ARFGEF3: variants seen among roughly 807,000 people sequenced by gnomAD.
ARFGEF3 encodes brefeldin A-inhibited guanine nucleotide-exchange protein 3.
Under a neutral mutation model 221.7 loss-of-function variants are expected in ARFGEF3, and 96 were observed. That is an observed-to-expected ratio of 0.43 (90% CI 0.37 to 0.51). The LOEUF (loss-of-function observed/expected upper bound fraction) is 0.51, where lower values mean the gene tolerates loss of function less well. Among genes scored for constraint, ARFGEF3 ranks in the 20% least tolerant of loss-of-function variants. The pLI is 0.00. For synonymous variants in ARFGEF3, 1,145 were observed against 1,126.8 expected, an observed-to-expected ratio of 1.02 and a Z score of -0.32; for missense variants, 2,410 against 2,789.9, an observed-to-expected ratio of 0.86 and a Z score of 3.07.
intron 20 of ARFGEF3, among the ~76,000 whole-genome samples, chr6:138,295,148 G>A (rs749985388): frequency 6.6e-6 from 1 of 152,036 alleles, no homozygotes; most frequent in African/African-American, 2.4e-5. Flanking sequence ...CAATGAGCAG[G>A]GGCCAGGAAG....
intron 6 of ARFGEF3, among the ~76,000 whole-genome samples, chr6:138,242,694 G>C (rs533181219): frequency 6.6e-6 from 1 of 152,142 alleles, no homozygotes; most frequent in Non-Finnish European, 1.5e-5. Flanking sequence ...AAGTATCCAC[G>C]CCAGAGTGTC....
At position 138,297,052 on chromosome 6, in the gene ARFGEF3, T is replaced by C. The variant is rs769566866; in HGVS notation, c.3648+97T>C. 3.6e-6 allele frequency: 5 copies of C among 1,380,122 alleles called. No individual in the cohort carries two copies. In the South Asian group the frequency reaches 7.0e-5, roughly 19 times the overall value. The allele number at this position is 1,380,122 out of a possible 1,614,324, so 85.5% of individuals were successfully genotyped here. ...GCAGTCATGTATGGGGGCAAAGCACTGTGGCCATTGGGCAGTGGGAACTTG... is the reference window on the plus strand; with the variant it reads ...GCAGTCATGTATGGGGGCAAAGCACCGTGGCCATTGGGCAGTGGGAACTTG... On this transcript the variant is annotated intron_variant, in intron 21 of 33. Transcript: ENST00000251691.
At chr6:138,303,672 G>A (rs188094779) in intron 22 of ARFGEF3, among the ~76,000 whole-genome samples, 277 of 151,808 alleles carry the variant, frequency 1.8e-3, no homozygotes, top group African/African-American at 6.3e-3. Flanking sequence ...GTGTGGTGGC[G>A]CACGCTGTAG....
Position 138,245,585 on chromosome 6 carries a change from C to T in ARFGEF3, c.659C>T (p.Ala220Val). The T allele has an allele frequency of 6.2e-7, 1 of 1,607,582 alleles. No homozygotes were observed. The highest frequency in any genetic ancestry group is 8.5e-7 in the Non-Finnish European group (1 of 1,176,946). Reference protein sequence around the residue: ...LTVLCEKLQAAINDSQQLQLL... With the variant: ...LTVLCEKLQAVINDSQQLQLL... ...GTCCTGTGTGAGAAGCTGCAAGCCG[C>T]CATAAAGTAAGTGCCCTAACCACTG... Residue 220 changes from alanine to valine, a missense_variant, in exon 8 of 34, where the codon GCC becomes GTC. Ala to Val is a moderately conservative substitution (Grantham distance 64, BLOSUM62 0). Coordinates refer to ENST00000251691, the MANE Select transcript of ARFGEF3 (RefSeq NM_020340.5).
Position 138,319,716 on chromosome 6 carries a change from T to C in ARFGEF3, c.4488T>C (p.Gly1496=). 2 of 1,598,604 alleles carry C rather than the reference T, an allele frequency of 1.3e-6. No homozygotes were observed. The highest frequency in any genetic ancestry group is 1.7e-6 in the Non-Finnish European group (2 of 1,174,720). ...DVTKTPGPGF[G]IYAVVHLLLP... is the part of the protein sequence containing the mutation. Reference sequence around the variant, plus strand: ...TTTCTTTTTCAGGACCAGGGTTTGGTATCTATGCAGTGGTTCACCTCCTCC... The same window carrying C: ...TTTCTTTTTCAGGACCAGGGTTTGGCATCTATGCAGTGGTTCACCTCCTCC... The change falls in exon 28 of 34, where the codon GGT becomes GGC. Residue 1496 remains glycine (G), a synonymous_variant. Transcript: ENST00000251691.
rs1317795154 is a variant in ARFGEF3, at chr6:138,253,996, C to T, written c.770+12C>T. 2.0e-6 allele frequency: 3 copies of T among 1,536,346 alleles called. No individual in the cohort carries two copies. The African/African-American group carries it at 4.2e-5, about 21-fold the overall frequency. On this transcript the variant is annotated intron_variant, in intron 9 of 33. Coordinates refer to ENST00000251691, the MANE Select transcript of ARFGEF3 (RefSeq NM_020340.5). ...ACGGACCTGATCTGGTGAGCACCCA[C>T]TCCTGACGCCCCGACGCTGATGCCA...
At chr6:138,253,243 A>G (rs2114573435) in intron 8 of ARFGEF3, among the ~76,000 whole-genome samples, 1 of 152,280 alleles carries the variant, frequency 6.6e-6, no homozygotes, top group East Asian at 1.9e-4. Flanking sequence ...CAATAGGTTC[A>G]ATATGATAAA....
intron 2 of ARFGEF3, among the ~76,000 whole-genome samples, chr6:138,186,100 T>C (rs567542919): frequency 6.6e-6 from 1 of 152,372 alleles, no homozygotes; most frequent in African/African-American, 2.4e-5. Context: ...ATTTGTTGAA[T>C]ATCTGTCGTT....
intron 3 of ARFGEF3, among the ~76,000 whole-genome samples, chr6:138,208,296 G>A (rs1274006441): frequency 6.6e-6 from 1 of 151,804 alleles, no homozygotes; most frequent in African/African-American, 2.4e-5. Flanking sequence ...TTTTTAGAGC[G>A]TCTCAGTTTT....
Position 138,307,247 on chromosome 6 carries a change from T to C in ARFGEF3, c.3829-6T>C. On this transcript the variant is annotated splice_polypyrimidine_tract_variant and splice_region_variant and intron_variant, in intron 22 of 33. Coordinates refer to ENST00000251691, the MANE Select transcript of ARFGEF3 (RefSeq NM_020340.5). ...CTTTAAGTGCCACTTGCTTTGCCTCTACCAGGTTGTCACATCCATTGGTGA... is the reference window on the plus strand; with the variant it reads ...CTTTAAGTGCCACTTGCTTTGCCTCCACCAGGTTGTCACATCCATTGGTGA... 1 of 1,613,200 alleles carries C rather than the reference T, an allele frequency of 6.2e-7. No homozygotes were observed. The highest frequency in any genetic ancestry group is 8.5e-7 in the Non-Finnish European group (1 of 1,179,350).
chr6:138,279,942 G>T, intron 13 of ARFGEF3, 57 bp from the exon 14 acceptor site: 3 of 1,563,032 alleles, frequency 1.9e-6, no homozygotes, highest in Non-Finnish European at 2.6e-6. Flanking sequence ...AGGCACTTAG[G>T]AGCCTGTTAG....
Position 138,163,051 on chromosome 6 carries a change from C to T in ARFGEF3, c.85+880C>T, listed in dbSNP as rs554268214. 2.0e-5 allele frequency among the ~76,000 whole-genome samples: 3 copies of T among 152,318 alleles called. No homozygotes were observed. In the South Asian group the frequency reaches 6.2e-4, roughly 32 times the overall value. On this transcript the variant is annotated intron_variant, in intron 1 of 33. Coordinates refer to ENST00000251691, the MANE Select transcript of ARFGEF3 (RefSeq NM_020340.5). The stretch of plus-strand genomic sequence containing the variant: ...CCACTCAATTGAAAAATGAAATTGA[C>T]TCCCTTTCCCTTGCAACCAAGAACC...
chr6:138,287,239 C>A, intron 17 of ARFGEF3, 55 bp downstream of exon 17: 1 of 1,274,742 alleles, frequency 7.8e-7, no homozygotes, highest in Non-Finnish European at 1.1e-6. Flanking sequence ...TATGCACACA[C>A]CTGCACAGGC....
Position 138,336,796 on chromosome 6 carries a change from A to C in ARFGEF3, c.*310A>C. ...CTTTTGCTTACAGTGTTGTCCCCAA[A>C]TGGGTCATTTTCAAGGATTACTCAT... On this transcript the variant is annotated 3_prime_UTR_variant, in exon 34 of 34. Coordinates refer to ENST00000251691, the MANE Select transcript of ARFGEF3 (RefSeq NM_020340.5). The C allele has an allele frequency of 5.2e-6, 1 of 192,294 alleles. No homozygotes were observed. The highest frequency in any genetic ancestry group is 1.1e-5 in the Non-Finnish European group (1 of 94,882). 11.9% of individuals were successfully genotyped at this position (192,294 alleles called of 1,614,324 possible).
chr6:138,274,267 C>G (rs1779055494), intron 12 of ARFGEF3, among the ~76,000 whole-genome samples: 1 of 152,080 alleles, frequency 6.6e-6, no homozygotes, highest in Non-Finnish European at 1.5e-5. Flanking sequence ...TCAATTGTAC[C>G]TTTCATCTAT....
intron 8 of ARFGEF3, among the ~76,000 whole-genome samples, chr6:138,249,918 C>T (rs931941540): frequency 6.6e-6 from 1 of 152,180 alleles, no homozygotes; most frequent in Non-Finnish European, 1.5e-5. Context: ...TAAGGGAAGA[C>T]CTTTATGTCC....
chr6:138,256,686 A>G (rs556872291), intron 10 of ARFGEF3, among the ~76,000 whole-genome samples: 4 of 152,374 alleles, frequency 2.6e-5, no homozygotes, highest in South Asian at 2.1e-4. Flanking sequence ...GCCCACGATA[A>G]TAATTACCAT....
rs911372162 is a variant in ARFGEF3 at position 138,313,063 on chromosome 6, A to G, written c.4201-732A>G. Among the ~76,000 whole-genome samples the G allele has an allele frequency of 1.2e-4, 18 of 152,230 alleles. 1 individual carries two copies. The highest frequency in any genetic ancestry group is 1.2e-3 in the East Asian group (6 of 5,186). On this transcript the variant is annotated intron_variant, in intron 25 of 33. Transcript: ENST00000251691. ...TTTTTCCTGTAGCATTTATGTCTGGAATTTGATTATTTTAGAAAGGATTGT... is the reference window on the plus strand; with the variant it reads ...TTTTTCCTGTAGCATTTATGTCTGGGATTTGATTATTTTAGAAAGGATTGT...
chr6:138,279,173 C>T (rs1145976), intron 13 of ARFGEF3, among the ~76,000 whole-genome samples: 1 of 151,740 alleles, frequency 6.6e-6, no homozygotes, highest in Non-Finnish European at 1.5e-5. Context: ...CACCACCAAG[C>T]CTGGCTAATT....
Sources: allele counts gnomAD v4.1 joint callset (sites outside exome capture counted in the v4.1 genomes callset), GRCh38; gene constraint gnomAD v4.1.1; transcripts MANE v1.5; gene names NCBI Gene and HGNC (gene_info 2026-07-23, HGNC 2026-07-21).